The following SSU72 variants were observed in gnomAD, a reference collection of about 807,000 sequenced individuals.
SSU72 encodes the protein SSU72 homolog, RNA polymerase II CTD phosphatase.
Under a neutral mutation model 22.7 loss-of-function variants are expected in SSU72, and 12 were observed. The observed-to-expected ratio is 0.53, with a 90% CI of 0.34 to 0.86. The LOEUF (loss-of-function observed/expected upper bound fraction) is 0.86. Ranked by LOEUF, SSU72 falls within the 40% of genes least tolerant of loss-of-function variation. The pLI, the probability that SSU72 is intolerant of heterozygous loss-of-function variation, is 0.02. For missense variants in SSU72, 151 were observed against 249.8 expected, an observed-to-expected ratio of 0.60 and a Z score of 2.67; for synonymous variants, 116 against 98.3, an observed-to-expected ratio of 1.18 and a Z score of -1.06.
chr1:1,561,451 C>T (rs1642591594), intron 2 of SSU72: 1 of 152,152 alleles, frequency 6.6e-6, no homozygotes, highest in African/African-American at 2.4e-5. Flanking sequence ...CATCTTGAAC[C>T]CCGTCTTGCT....
rs1012546928 is a variant in SSU72, at chr1:1,564,492, C to T, written c.224+281G>A. 4 of 1,485,960 alleles carry T rather than the reference C, an allele frequency of 2.7e-6. No homozygotes were observed. In the African/African-American group the frequency reaches 5.6e-5, roughly 21 times the overall value. The allele number at this position is 1,485,960 out of a possible 1,614,324, so 92.0% of individuals were successfully genotyped here. Reference sequence around the variant, plus strand: ...TGTGGGTTCCACCTCCTCACCTAAGCATCCCTGGTCTACGCTATGTCACGA... The same window carrying T: ...TGTGGGTTCCACCTCCTCACCTAAGTATCCCTGGTCTACGCTATGTCACGA... On this transcript the variant is annotated intron_variant, in intron 2 of 4. Transcript: ENST00000291386.
intron 2 of SSU72, among the ~76,000 whole-genome samples, chr1:1,556,553 A>T (rs562018166): frequency 1.3e-5 from 2 of 152,312 alleles, no homozygotes; most frequent in East Asian, 3.9e-4. Flanking sequence ...AAAAAAAAAA[A>T]AATTTCATTT....
chr1:1,568,871 AAAAT>A (rs1026306296), intron 1 of SSU72, among the ~76,000 whole-genome samples: 9 of 150,820 alleles, frequency 6.0e-5, no homozygotes, highest in Non-Finnish European at 1.3e-4. Flanking sequence ...CCTGTCTGTA[AAAAT>A]AAATAAATAA....
intron 2 of SSU72, among the ~76,000 whole-genome samples, chr1:1,556,952 A>G (rs1476774651): frequency 6.6e-6 from 1 of 152,218 alleles, no homozygotes; most frequent in Non-Finnish European, 1.5e-5. Context: ...AGATGAGAAG[A>G]GCAGGCCAGT....
intron 2 of SSU72, chr1:1,546,532 CCT>C (rs1266659466): frequency 6.6e-6 from 1 of 152,192 alleles, no homozygotes; most frequent in Non-Finnish European, 1.5e-5. Flanking sequence ...GCGGCTCACG[CCT>C]GTCATCCCAG....
At chr1:1,559,216 G>A (rs1392074458) in intron 2 of SSU72, among the ~76,000 whole-genome samples, 1 of 152,250 alleles carries the variant, frequency 6.6e-6, no homozygotes, top group Non-Finnish European at 1.5e-5. Flanking sequence ...GAACTGGACA[G>A]TGTGGAATGA....
At chr1:1,546,860 C>CAAAAAAAAAAAA (rs1169308811) in intron 2 of SSU72, among the ~76,000 whole-genome samples, 1 of 75,138 alleles carries the variant, frequency 1.3e-5, no homozygotes, top group Non-Finnish European at 2.7e-5. Context: ...ACAACAACAA[C>CAAAAAAAAAAAA]AAAAAAAAAA....
In SSU72 at chr1:1,542,362, T is replaced by A. The variant is rs1642332970; in HGVS notation, c.484-195A>T. Among the ~76,000 whole-genome samples, 1 of 151,606 alleles carries A rather than the reference T, an allele frequency of 6.6e-6. No individual in the cohort carries two copies. Among genetic ancestry groups the A allele is most frequent in the Non-Finnish European group, 1.5e-5 (1 of 67,900 alleles). On this transcript the variant is annotated intron_variant, in intron 4 of 4. Transcript: ENST00000291386. The surrounding 1 kb of genome is among the most constrained non-coding windows in gnomAD (Gnocchi z 4.4). ...GAGAGCGTCCCGGGCAGCCCCCACC[T>A]CCCCACCGACCCTCACAGGACCTGA...
rs964115949 is a variant in SSU72 at position 1,554,209 on chromosome 1, G to A, written c.225-9207C>T. Among the ~76,000 whole-genome samples, 2 of 143,700 alleles carry A rather than the reference G, an allele frequency of 1.4e-5. No individual in the cohort carries two copies. The highest frequency in any genetic ancestry group is 3.2e-5 in the Non-Finnish European group (2 of 62,552). The allele number at this position is 143,700 out of a possible 152,430, so 94.3% of individuals were successfully genotyped here. On this transcript the variant is annotated intron_variant, in intron 2 of 4. Coordinates refer to ENST00000291386, the MANE Select transcript of SSU72 (RefSeq NM_014188.3). This position sits in a 1 kb window ranked among gnomAD's most constrained non-coding sequence, Gnocchi z 4.1. ...ACGAAGCTGAGCACGAGGCGGATCC[G>A]GACCACTAAGGGGTCCCCACGAAGC... is the stretch of plus-strand genomic sequence containing the variant.
At chr1:1,570,442 G>T (rs192300799) in intron 1 of SSU72, among the ~76,000 whole-genome samples, 1 of 151,614 alleles carries the variant, frequency 6.6e-6, no homozygotes, top group South Asian at 2.1e-4. Context: ...TTTCCTGCCC[G>T]TTACCCCCGA....
chr1:1,560,132 G>C (rs534109372), intron 2 of SSU72, among the ~76,000 whole-genome samples: 3 of 152,162 alleles, frequency 2.0e-5, no homozygotes, highest in Admixed American at 6.5e-5. Flanking sequence ...GATTACAGGT[G>C]TGAGCCACTG....
chr1:1,565,402 A>G (rs139855746), intron 1 of SSU72, among the ~76,000 whole-genome samples: 8 of 152,318 alleles, frequency 5.3e-5, no homozygotes, highest in Non-Finnish European at 1.2e-4. Flanking sequence ...ACTGACCATC[A>G]CAAAGCCACA....
chr1:1,564,406 G>T, intron 2 of SSU72: 1 of 1,410,156 alleles, frequency 7.1e-7, no homozygotes, highest in Non-Finnish European at 9.3e-7. Context: ...ACACACGCAC[G>T]CACACCAACC....
At chr1:1,574,278 G>C (rs917208356) in intron 1 of SSU72, among the ~76,000 whole-genome samples, 200 bp downstream of exon 1, 3 of 152,024 alleles carry the variant, frequency 2.0e-5, no homozygotes, top group African/African-American at 7.2e-5. Context: ...CCTCGTCCCG[G>C]AACCTGCCTT....
chr1:1,557,586 G>T (rs1018261103), intron 2 of SSU72, among the ~76,000 whole-genome samples: 1 of 152,092 alleles, frequency 6.6e-6, no homozygotes, highest in Non-Finnish European at 1.5e-5. Flanking sequence ...CGGAGGTCAG[G>T]TGTTTTGAGA....
At chr1:1,571,954 C>T (rs1642736391) in intron 1 of SSU72, among the ~76,000 whole-genome samples, 1 of 151,378 alleles carries the variant, frequency 6.6e-6, no homozygotes, top group African/African-American at 2.4e-5. Context: ...GTCACTATGC[C>T]GGGGTCATTT....
At chr1:1,544,745 T>TGCTCCCCGGCCCCCG in intron 3 of SSU72, 118 bp downstream of exon 3, 1 of 1,470,116 alleles carries the variant, frequency 6.8e-7, no homozygotes, top group Non-Finnish European at 9.5e-7. Flanking sequence ...CACTCAGGTC[T>TGCTCCCCGGCCCCCG]GCTCCCCGGC....
At chr1:1,547,981 C>T (rs143430946) in intron 2 of SSU72, among the ~76,000 whole-genome samples, 7 of 152,318 alleles carry the variant, frequency 4.6e-5, no homozygotes, top group East Asian at 1.9e-4. Context: ...GGCAAGAAGG[C>T]GACACCAGGC....
intron 2 of SSU72, chr1:1,562,555 G>A (rs1432831230): frequency 5.3e-5 from 8 of 152,300 alleles, no homozygotes; most frequent in African/African-American, 1.2e-4. Flanking sequence ...AAGGGGCTGC[G>A]TGGTCACGCA....
Sources: gnomAD v4.1 joint callset for allele counts (sites outside exome capture counted in the v4.1 genomes callset) on GRCh38, gnomAD v4.1.1 for gene constraint, Gnocchi (gnomAD v3.1) non-coding constraint, MANE v1.5 for transcripts, NCBI Gene and HGNC (gene_info 2026-07-23, HGNC 2026-07-21) for gene names.